MTUS1: variants seen among roughly 807,000 people sequenced by gnomAD.
MTUS1 encodes microtubule associated scaffold protein 1, also known as microtubule-associated tumor suppressor 1.
MTUS1 carries 109 observed loss-of-function variants against 120.8 expected under a neutral mutation model. The observed-to-expected ratio is 0.90, with a 90% CI of 0.77 to 1.06. MTUS1 has a LOEUF of 1.06. MTUS1 is among the 50% of genes least tolerant of loss of function. The probability of loss-of-function intolerance (pLI) is 0.00; values close to 1 mark genes in which losing one functional copy is unlikely to be tolerated. For synonymous variants in MTUS1, 737 were observed against 550.5 expected, an observed-to-expected ratio of 1.34 and a Z score of -4.74; for missense variants, 2,210 against 1,486.3, an observed-to-expected ratio of 1.49 and a Z score of -8.01.
intron 3 of MTUS1, among the ~76,000 whole-genome samples, chr8:17,738,598 C>T (rs1220351016): frequency 6.6e-6 from 1 of 152,116 alleles, no homozygotes; most frequent in African/African-American, 2.4e-5. Context: ...GGTACATGTG[C>T]AGGCTGTGCA....
intron 8 of MTUS1, among the ~76,000 whole-genome samples, chr8:17,660,095 G>A (rs1041319643): frequency 6.6e-6 from 1 of 152,078 alleles, no homozygotes; most frequent in Non-Finnish European, 1.5e-5. Flanking sequence ...ATTGTTGGCC[G>A]GGTGCAGTGG....
chr8:17,773,580 G>A (rs558443548), intron 1 of MTUS1, among the ~76,000 whole-genome samples: 1 of 152,280 alleles, frequency 6.6e-6, no homozygotes, highest in Admixed American at 6.5e-5. Context: ...GGACCATCTT[G>A]CTGTGTCATA....
At chr8:17,688,296 G>C (rs183201801) in intron 6 of MTUS1, among the ~76,000 whole-genome samples, 2 of 152,292 alleles carry the variant, frequency 1.3e-5, no homozygotes, top group Admixed American at 1.3e-4. Context: ...GCGGGGACAG[G>C]AGAAGTATCA....
At chr8:17,659,653 G>A (rs551558886) in intron 8 of MTUS1, among the ~76,000 whole-genome samples, 5 of 152,160 alleles carry the variant, frequency 3.3e-5, no homozygotes, top group African/African-American at 7.2e-5. Flanking sequence ...AGCCAAGATC[G>A]CACTACCGCA....
chr8:17,786,065 A>G (rs1481825278), intron 1 of MTUS1, among the ~76,000 whole-genome samples: 1 of 152,202 alleles, frequency 6.6e-6, no homozygotes, highest in African/African-American at 2.4e-5. Context: ...ACTTCAGCCC[A>G]GAAGTTAGAG....
rs1563269947 is a variant in MTUS1 at position 17,723,677 on chromosome 8, TTGCTGTAAG to T, written c.2435_2443del (p.Thr812_Ser814del). The T allele has an allele frequency of 1.2e-6, 2 of 1,609,428 alleles. No homozygotes were observed. The highest frequency in any genetic ancestry group is 2.2e-5 in the South Asian group (2 of 90,946). ...GTGATATAAAGTCGACTTACAATTG[TTGCTGTAAG>T]TGCTCAGCTCACTGTGGGTGCTGGC... On this transcript the variant is annotated inframe_deletion, in exon 4 of 15. Transcript: ENST00000693296.
At position 17,646,089 on chromosome 8, in the gene MTUS1, G is replaced by A. The variant is rs746217713; in HGVS notation, c.3650C>T (p.Ser1217Leu). The A allele has an allele frequency of 5.6e-6, 9 of 1,612,704 alleles. No individual in the cohort carries two copies. Among genetic ancestry groups the A allele is most frequent in the East Asian group, 4.5e-5 (2 of 44,864 alleles). ...CATAGAGAGTCGCTTGTTGACTTTCGACTCCTTCTCCAGCGACTCTTGCAG... is the reference window on the plus strand; with the variant it reads ...CATAGAGAGTCGCTTGTTGACTTTCAACTCCTTCTCCAGCGACTCTTGCAG... ...AVLQESLEKE[S>L]KVNKRLSMEN... Residue 1217 changes from serine (S) to leucine (L), a missense_variant, in exon 15 of 15, where the codon TCG (serine) becomes TTG (leucine). Physicochemically the swap from Ser to Leu is moderately radical, Grantham distance 145. Transcript: ENST00000693296.
rs550001125 is a variant in MTUS1 at position 17,655,935 on chromosome 8, G to T, written c.3036C>A (p.Thr1012=). 1 of 1,614,142 alleles carries T rather than the reference G, an allele frequency of 6.2e-7. No homozygotes were observed. Among genetic ancestry groups the T allele is most frequent in the African/African-American group, 1.3e-5 (1 of 75,016 alleles). Reference sequence around the variant, plus strand: ...TGTCCCGAAGCTTTTCATACTCCCTGGTGTAAAACTCTTTAAGCCGATTCT... The same window carrying T: ...TGTCCCGAAGCTTTTCATACTCCCTTGTGTAAAACTCTTTAAGCCGATTCT... ...ERENRLKEFY[T]REYEKLRDTY... The change falls in exon 9 of 15, where the codon ACC becomes ACA. Residue 1012 remains threonine (T), a synonymous_variant. Coordinates refer to ENST00000693296, the MANE Select transcript of MTUS1 (RefSeq NM_001363059.2).
At chr8:17,788,787 G>A (rs1446910307) in intron 1 of MTUS1, among the ~76,000 whole-genome samples, 1 of 152,152 alleles carries the variant, frequency 6.6e-6, no homozygotes, top group Admixed American at 6.6e-5. Context: ...TATTGTAGAT[G>A]ATTTTCAAAA....
At chr8:17,697,748 C>G (rs1818268279) in intron 6 of MTUS1, 2 of 992,620 alleles carry the variant, frequency 2.0e-6, no homozygotes, top group South Asian at 9.4e-5. Flanking sequence ...AGGAGCTTTA[C>G]AGAACAACCA....
intron 1 of MTUS1, among the ~76,000 whole-genome samples, chr8:17,767,655 C>T (rs1347791307): frequency 4.2e-5 from 6 of 141,630 alleles, no homozygotes; most frequent in East Asian, 2.1e-4. Flanking sequence ...GCCATGATCA[C>T]GCTACTGCAC....
At chr8:17,774,868 A>C (rs1586329439) in intron 1 of MTUS1, among the ~76,000 whole-genome samples, 1 of 152,044 alleles carries the variant, frequency 6.6e-6, no homozygotes, top group East Asian at 1.9e-4. Flanking sequence ...GAGTGGATAA[A>C]CAAAATGTGA....
chr8:17,691,548 G>C (rs1001485545), intron 6 of MTUS1, among the ~76,000 whole-genome samples: 1 of 152,218 alleles, frequency 6.6e-6, no homozygotes, highest in Non-Finnish European at 1.5e-5. Context: ...CTGCTTTCAA[G>C]GAGGCTGAAA....
intron 1 of MTUS1, among the ~76,000 whole-genome samples, chr8:17,785,379 A>C (rs2051220927): frequency 6.6e-6 from 1 of 152,226 alleles, no homozygotes. Context: ...TTGAGCTGAG[A>C]CTAAGGCATA....
intron 8 of MTUS1, among the ~76,000 whole-genome samples, chr8:17,658,156 G>C (rs975562336): frequency 1.3e-5 from 2 of 151,674 alleles, no homozygotes; most frequent in African/African-American, 4.8e-5. Flanking sequence ...TCCTGCCTCA[G>C]CCTCCTCAGT....
chr8:17,694,389 G>C (rs901014972), intron 6 of MTUS1, among the ~76,000 whole-genome samples: 1 of 152,240 alleles, frequency 6.6e-6, no homozygotes, highest in African/African-American at 2.4e-5. Context: ...GGTTTGGCCA[G>C]ACGTGGTAGC....
intron 6 of MTUS1, among the ~76,000 whole-genome samples, chr8:17,702,992 G>T (rs563810954): frequency 6.6e-6 from 1 of 152,112 alleles, no homozygotes; most frequent in Non-Finnish European, 1.5e-5. Context: ...TGTAAGCTGA[G>T]GATGTACGTC....
intron 6 of MTUS1, among the ~76,000 whole-genome samples, chr8:17,696,528 G>T (rs1818002909): frequency 6.6e-6 from 1 of 152,166 alleles, no homozygotes; most frequent in Admixed American, 6.5e-5. Context: ...TTAATTTACT[G>T]TAGCTGTAAA....
At chr8:17,730,873 A>G (rs1054581751) in intron 3 of MTUS1, among the ~76,000 whole-genome samples, 1 of 152,186 alleles carries the variant, frequency 6.6e-6, no homozygotes, top group Non-Finnish European at 1.5e-5. Flanking sequence ...GGGGAAAACA[A>G]AGTTCTGGAG....
Sources: gnomAD v4.1 joint callset for allele counts (sites outside exome capture counted in the v4.1 genomes callset) on GRCh38, gnomAD v4.1.1 for gene constraint, MANE v1.5 for transcripts, NCBI Gene and HGNC (gene_info 2026-07-23, HGNC 2026-07-21) for gene names.